The following ITPK1 variants were observed in gnomAD, a reference collection of about 807,000 sequenced individuals.
ITPK1 encodes inositol-tetrakisphosphate 1-kinase.
Under a neutral mutation model 45.3 loss-of-function variants are expected in ITPK1, and 21 were observed. That is an observed-to-expected ratio of 0.46 (90% CI 0.33 to 0.67). The LOEUF (loss-of-function observed/expected upper bound fraction) is 0.67. Ranked by LOEUF, ITPK1 falls within the 30% of genes least tolerant of loss-of-function variation. ITPK1 has a pLI of 0.02. For missense variants in ITPK1, 474 were observed against 573.5 expected, an observed-to-expected ratio of 0.83 and a Z score of 1.77; for synonymous variants, 258 against 253.6, an observed-to-expected ratio of 1.02 and a Z score of -0.16.
intron 3 of ITPK1, among the ~76,000 whole-genome samples, chr14:93,051,330 G>A (rs1889997461): frequency 6.6e-6 from 1 of 152,208 alleles, no homozygotes; most frequent in South Asian, 2.1e-4. Context: ...GATCAAGAGA[G>A]AGTGGCTGGG....
intron 10 of ITPK1, among the ~76,000 whole-genome samples, chr14:92,946,054 C>G (rs1887668712): frequency 6.6e-6 from 1 of 152,152 alleles, no homozygotes; most frequent in African/African-American, 2.4e-5. Flanking sequence ...GCTGATCCAC[C>G]AATGACGCAG....
At position 93,016,878 on chromosome 14, in the gene ITPK1, G is replaced by A; in HGVS notation, c.121-77C>T. ...CTGCCCCCATCCTCTTGTCCACCCT[G>A]GGGCATATCACCAGAGGACCCTCGA... On this transcript the variant is annotated intron_variant, in intron 3 of 10. Transcript: ENST00000267615. The surrounding 1 kb of genome is among the most constrained non-coding windows in gnomAD (Gnocchi z 5.0). The A allele has an allele frequency of 6.3e-7, 1 of 1,577,540 alleles. No individual in the cohort carries two copies. The highest frequency in any genetic ancestry group is 8.6e-7 in the Non-Finnish European group (1 of 1,160,352).
rs565391189 is a variant in ITPK1, at chr14:93,077,107, C to A, written c.96-488G>T. On this transcript the variant is annotated intron_variant, in intron 2 of 10. Coordinates refer to ENST00000267615, the MANE Select transcript of ITPK1 (RefSeq NM_014216.6). ...GAGGCCCACACAGTCCTGCCCGCTG[C>A]CTTCCCAATGCTCCACTGATGCCTG... Among the ~76,000 whole-genome samples the A allele has an allele frequency of 2.6e-4, 40 of 152,300 alleles. No individual in the cohort carries two copies. The South Asian group carries it at 4.4e-3, about 17-fold the overall frequency.
At chr14:93,022,514 T>C (rs1595145304) in intron 3 of ITPK1, among the ~76,000 whole-genome samples, 2 of 148,574 alleles carry the variant, frequency 1.3e-5, no homozygotes, top group African/African-American at 5.0e-5. Context: ...CAAGACCACA[T>C]CTTTTTTTTT....
chr14:92,999,411 A>AC (rs1379260048), intron 4 of ITPK1, among the ~76,000 whole-genome samples: 1 of 152,136 alleles, frequency 6.6e-6, no homozygotes, highest in Non-Finnish European at 1.5e-5. Flanking sequence ...TTCACTCAGG[A>AC]CCCAGGGGCT....
chr14:93,075,494 C>T (rs563932434), intron 3 of ITPK1, among the ~76,000 whole-genome samples: 1 of 152,180 alleles, frequency 6.6e-6, no homozygotes, highest in Admixed American at 6.5e-5. Flanking sequence ...CTCAGTCTTC[C>T]AGTGACAAGT....
chr14:93,043,652 C>T (rs1387619754), intron 3 of ITPK1, among the ~76,000 whole-genome samples: 1 of 152,240 alleles, frequency 6.6e-6, no homozygotes, highest in Non-Finnish European at 1.5e-5. Context: ...TCATTCTTAT[C>T]TGTGGCTTGA....
At chr14:93,085,123 G>A (rs890474623) in intron 2 of ITPK1, among the ~76,000 whole-genome samples, 21 of 152,342 alleles carry the variant, frequency 1.4e-4, no homozygotes, top group African/African-American at 5.1e-4. Flanking sequence ...TGGTTTACTT[G>A]CTGATTGTTT....
At chr14:93,044,454 A>C (rs996088486) in intron 3 of ITPK1, among the ~76,000 whole-genome samples, 3 of 152,232 alleles carry the variant, frequency 2.0e-5, no homozygotes, top group Non-Finnish European at 4.4e-5. Context: ...ACCGAAGCCT[A>C]GGCCGAACAC....
intron 3 of ITPK1, among the ~76,000 whole-genome samples, chr14:93,038,270 C>T (rs758455230): frequency 6.6e-6 from 1 of 151,994 alleles, no homozygotes; most frequent in Non-Finnish European, 1.5e-5. Context: ...CCTGACCTCA[C>T]GTGATCTGCC....
intron 9 of ITPK1, among the ~76,000 whole-genome samples, chr14:92,950,221 G>A (rs1887894234): frequency 6.6e-6 from 1 of 152,276 alleles, no homozygotes. Context: ...CACTGGGAAG[G>A]GAGGGGGTGC....
chr14:93,037,157 G>A (rs538350235), intron 3 of ITPK1, among the ~76,000 whole-genome samples: 20 of 152,150 alleles, frequency 1.3e-4, no homozygotes, highest in Non-Finnish European at 2.2e-4. Context: ...AGGAAGCCCC[G>A]GAACCACAGC....
intron 10 of ITPK1, among the ~76,000 whole-genome samples, 170 bp downstream of exon 10, chr14:92,946,161 T>TA (rs1335505649): frequency 2.0e-5 from 3 of 152,092 alleles, no homozygotes; most frequent in Non-Finnish European, 4.4e-5. Flanking sequence ...GCACACCCCG[T>TA]AAGCCCATCG....
intron 6 of ITPK1, 103 bp from the exon 7 acceptor site, chr14:92,962,498 C>G: frequency 1.2e-6 from 1 of 833,620 alleles, no homozygotes. Flanking sequence ...GAGACACAGA[C>G]TCTGGACACC....
At position 93,014,585 on chromosome 14, in the gene ITPK1, C is replaced by T. The variant is rs1315627600; in HGVS notation, c.246+2091G>A. On this transcript the variant is annotated intron_variant, in intron 4 of 10. Coordinates refer to ENST00000267615, the MANE Select transcript of ITPK1 (RefSeq NM_014216.6). This position sits in a 1 kb window ranked among gnomAD's most constrained non-coding sequence, Gnocchi z 4.4. The stretch of plus-strand genomic sequence containing the variant: ...AAGGAACTGAGGCTGTGGGGAGGCA[C>T]GCGGTTCCTAAGTTTTGGAACAAGG... Among the ~76,000 whole-genome samples, 4 of 152,164 alleles carry T rather than the reference C, an allele frequency of 2.6e-5. No homozygotes were observed. Among genetic ancestry groups the T allele is most frequent in the East Asian group, 1.9e-4 (1 of 5,202 alleles).
Position 92,941,652 on chromosome 14 carries a change from G to GTT in ITPK1, c.1153_1154insAA (p.Pro385GlnfsTer74). The GTT allele has an allele frequency of 6.5e-7, 1 of 1,540,192 alleles. No individual in the cohort carries two copies. On this transcript the variant is annotated frameshift_variant, in exon 11 of 11. Transcript: ENST00000267615. LOFTEE classifies it high-confidence loss of function. ...GGCGTTGCAGCCGAGTCTCTGGTGC[G>GTT]GCAGCTTGGCGGTGCCGCCCGCGTC...
intron 4 of ITPK1, among the ~76,000 whole-genome samples, chr14:93,011,055 A>G (rs1198801307): frequency 6.6e-6 from 1 of 152,250 alleles, no homozygotes; most frequent in Non-Finnish European, 1.5e-5. Flanking sequence ...TAACCCTACA[A>G]GGTATTTTAA....
At chr14:93,008,528 G>T (rs1044174891) in intron 4 of ITPK1, among the ~76,000 whole-genome samples, 2 of 152,242 alleles carry the variant, frequency 1.3e-5, no homozygotes, top group African/African-American at 2.4e-5. Flanking sequence ...CTGCCAGGAG[G>T]CGTGGGAGGC....
In ITPK1 at chr14:92,941,755, C is replaced by T. The variant is rs755413828; in HGVS notation, c.1051G>A (p.Gly351Ser). 10 of 1,603,140 alleles carry T rather than the reference C, an allele frequency of 6.2e-6. No homozygotes were observed. The highest frequency in any genetic ancestry group is 1.7e-5 in the Admixed American group (1 of 59,286). Residue 351 changes from glycine to serine, a missense_variant, in exon 11 of 11, where the codon GGC becomes AGC. This residue lies in a region of ITPK1 where 367 missense variants were observed against 480.6 expected (regional missense o/e 0.76). Coordinates refer to ENST00000267615, the MANE Select transcript of ITPK1 (RefSeq NM_014216.6). ...LLAEPAGGLVGERTCSASPGC... is the reference protein window; with the variant it reads ...LLAEPAGGLVSERTCSASPGC... ...GGGCTGGCGCTGCATGTCCGCTCGC[C>T]CACCAGGCCGCCCGCCGGCTCGGCC...
Sources: allele counts gnomAD v4.1 joint callset (sites outside exome capture counted in the v4.1 genomes callset), GRCh38; gene constraint gnomAD v4.1.1; regional missense constraint gnomAD v4.1.1; non-coding constraint Gnocchi (gnomAD v3.1); transcripts MANE v1.5; gene names NCBI Gene and HGNC (gene_info 2026-07-23, HGNC 2026-07-21).